The following SLC30A6 variants were observed in gnomAD, a reference collection of about 807,000 sequenced individuals.
SLC30A6 encodes the protein zinc transporter 6.
SLC30A6 carries 55 observed loss-of-function variants against 63.0 expected under a neutral mutation model. The ratio of observed to expected loss-of-function variants is 0.87; its 90% CI spans 0.70 to 1.09. The LOEUF (loss-of-function observed/expected upper bound fraction) is 1.09. Among genes scored for constraint, SLC30A6 ranks in the 50% least tolerant of loss-of-function variants. The pLI, the probability that SLC30A6 is intolerant of heterozygous loss-of-function variation, is 0.00. For synonymous variants in SLC30A6, 224 were observed against 186.1 expected (o/e 1.20, Z -1.66); for missense variants, 587 against 549.2 (o/e 1.07, Z -0.69).
chr2:32,182,489 C>A (rs1020280333), intron 4 of SLC30A6, among the ~76,000 whole-genome samples: 1 of 152,106 alleles, frequency 6.6e-6, no homozygotes, highest in Non-Finnish European at 1.5e-5. Flanking sequence ...CACTGGAGCT[C>A]TATTGGGGGA....
chr2:32,169,201 G>A (rs1008701867), intron 1 of SLC30A6, among the ~76,000 whole-genome samples: 8 of 151,542 alleles, frequency 5.3e-5, no homozygotes, highest in South Asian at 2.1e-4. Flanking sequence ...TTCGAGATGG[G>A]GTCTCGCTCT....
intron 3 of SLC30A6, among the ~76,000 whole-genome samples, chr2:32,174,644 C>T (rs1447899209): frequency 1.4e-5 from 2 of 144,210 alleles, no homozygotes; most frequent in Non-Finnish European, 3.0e-5. Context: ...TCCTCCACCT[C>T]CCTGGTTCAA....
intron 5 of SLC30A6, among the ~76,000 whole-genome samples, chr2:32,187,802 T>G (rs1285583432): frequency 6.6e-6 from 1 of 152,204 alleles, no homozygotes; most frequent in African/African-American, 2.4e-5. Context: ...TTCTGTTGAT[T>G]ACTGTCTCTC....
In SLC30A6 at chr2:32,206,903, T is replaced by G. The variant is rs766200741; in HGVS notation, c.786T>G (p.Val262=). ...KVLLQTTPPH[V]IGQLDKLIRE... is the part of the protein sequence containing the mutation. ...TTCCCCAGACAACACCACCCCATGT[T>G]ATTGGTCAGTTGGACAAACTCATCA... The change falls in exon 12 of 14, where the codon GTT becomes GTG. Residue 262 remains valine (V), a synonymous_variant. Coordinates refer to ENST00000282587, the MANE Select transcript of SLC30A6 (RefSeq NM_017964.5). 3.7e-5 allele frequency: 59 copies of G among 1,611,502 alleles called. No homozygotes were observed. Among genetic ancestry groups the G allele is most frequent in the Non-Finnish European group, 4.9e-5 (58 of 1,177,808 alleles).
chr2:32,175,955 G>A (rs574847783), intron 4 of SLC30A6, among the ~76,000 whole-genome samples: 26 of 151,998 alleles, frequency 1.7e-4, no homozygotes, highest in African/African-American at 5.5e-4. Context: ...CCTGGGCAAC[G>A]AGCGAAACTC....
rs1458602745 is a variant in SLC30A6, at chr2:32,204,611, T to C, written c.687T>C (p.Thr229=). ...IEINNYFAVD[T]ASAIAIALMT... is the part of the protein sequence containing the mutation. Reference sequence around the variant, plus strand: ...TTAGTAATTATTTTGCCGTAGACACTGCCTCTGCTATAGCTATTGCCTTGA... The same window carrying C: ...TTAGTAATTATTTTGCCGTAGACACCGCCTCTGCTATAGCTATTGCCTTGA... Residue 229 remains threonine (T), a synonymous_variant, in exon 11 of 14, where the codon ACT becomes ACC. Coordinates refer to ENST00000282587, the MANE Select transcript of SLC30A6 (RefSeq NM_017964.5). 1 of 1,611,352 alleles carries C rather than the reference T, an allele frequency of 6.2e-7. No individual in the cohort carries two copies. Among genetic ancestry groups the C allele is most frequent in the Non-Finnish European group, 8.5e-7 (1 of 1,178,384 alleles).
rs114098916 is a variant in SLC30A6, at chr2:32,203,752, G to A, written c.666-838G>A. On this transcript the variant is annotated intron_variant, in intron 10 of 13. Transcript: ENST00000282587. ...GTTACAGGCAGAGTGGCATGATTCC[G>A]ACTGGATATTCTCAGTGCCAGCCAA... 2.0e-3 allele frequency: 3,026 copies of A among 1,513,602 alleles called. 9 individuals carry two copies. The highest frequency in any genetic ancestry group is 2.2e-3 in the Non-Finnish European group (2,438 of 1,088,760). 93.8% of individuals were successfully genotyped at this position (1,513,602 alleles called of 1,614,324 possible).
At chr2:32,169,261 C>T (rs917319988) in intron 1 of SLC30A6, among the ~76,000 whole-genome samples, 13 of 152,106 alleles carry the variant, frequency 8.5e-5, no homozygotes, top group African/African-American at 2.7e-4. Flanking sequence ...CTTGACTTCC[C>T]GGGCTCATGC....
Position 32,193,974 on chromosome 2 carries a change from G to A in SLC30A6, c.487G>A (p.Val163Ile). Residue 163 changes from valine to isoleucine, a missense_variant, in exon 8 of 14, where the codon GTC (valine) becomes ATC (isoleucine). Coordinates refer to ENST00000282587, the MANE Select transcript of SLC30A6 (RefSeq NM_017964.5). ...TATTCGGAATAAACCTTTTGCTTAT[G>A]TCTCAGAAGGTATGTTTTTTATTTA... is the stretch of plus-strand genomic sequence containing the variant. ...LSIRNKPFAY[V>I]SEAASTSWLQ... 1 of 1,609,130 alleles carries A rather than the reference G, an allele frequency of 6.2e-7. No individual in the cohort carries two copies. Among genetic ancestry groups the A allele is most frequent in the Non-Finnish European group, 8.5e-7 (1 of 1,178,020 alleles).
At chr2:32,189,477 A>G (rs945843905) in intron 5 of SLC30A6, among the ~76,000 whole-genome samples, 4 of 148,880 alleles carry the variant, frequency 2.7e-5, no homozygotes, top group Non-Finnish European at 5.9e-5. Context: ...TTTTATTTTT[A>G]GTAGAAATGG....
At position 32,222,466 on chromosome 2, in the gene SLC30A6, C is replaced by T. The variant is rs948746901; in HGVS notation, c.*1753C>T. On this transcript the variant is annotated 3_prime_UTR_variant, in exon 14 of 14. Transcript: ENST00000282587. Reference sequence around the variant, plus strand: ...CAAATAGGAGCAGCACTTTGAAATCCTTTTTCTTCACTGTGGATTAAAAAC... The same window carrying T: ...CAAATAGGAGCAGCACTTTGAAATCTTTTTTCTTCACTGTGGATTAAAAAC... 1 of 152,026 alleles carries T rather than the reference C, an allele frequency of 6.6e-6. No individual in the cohort carries two copies. The highest frequency in any genetic ancestry group is 1.5e-5 in the Non-Finnish European group (1 of 68,010). 9.4% of individuals were successfully genotyped at this position (152,026 alleles called of 1,614,324 possible). A position where few individuals can be genotyped will look rare whatever the true frequency, so the allele number is the denominator to read the frequency against.
At chr2:32,175,565 A>G (rs1171830814) in intron 4 of SLC30A6, among the ~76,000 whole-genome samples, 2 of 152,244 alleles carry the variant, frequency 1.3e-5, no homozygotes, top group Non-Finnish European at 2.9e-5. Flanking sequence ...AGGCAAATCT[A>G]TGGAGAGAAA....
intron 4 of SLC30A6, among the ~76,000 whole-genome samples, chr2:32,182,119 G>T (rs569146594): frequency 5.7e-4 from 86 of 151,654 alleles, no homozygotes; most frequent in African/African-American, 2.0e-3. Flanking sequence ...TATTTTTGTG[G>T]TGATGGGGTC....
rs181180632 is a variant in SLC30A6, at chr2:32,223,553, C to G, written c.*2840C>G. 2.6e-5 allele frequency: 4 copies of G among 152,182 alleles called. No individual in the cohort carries two copies. The East Asian group carries it at 7.7e-4, about 29-fold the overall frequency. 9.4% of individuals were successfully genotyped at this position (152,182 alleles called of 1,614,324 possible). A position where few individuals can be genotyped will look rare whatever the true frequency, so the allele number is the denominator to read the frequency against. The stretch of plus-strand genomic sequence containing the variant: ...ATGGCTAAATCTGTAGAATGTATGC[C>G]CAATTGCTAAACGGATGTTGTGCCC... On this transcript the variant is annotated 3_prime_UTR_variant, in exon 14 of 14. Coordinates refer to ENST00000282587, the MANE Select transcript of SLC30A6 (RefSeq NM_017964.5).
chr2:32,191,543 T>G (rs1683320669), intron 5 of SLC30A6, among the ~76,000 whole-genome samples: 1 of 152,172 alleles, frequency 6.6e-6, no homozygotes, highest in Admixed American at 6.5e-5. Flanking sequence ...TGGCTTATAG[T>G]CTAGGGATTA....
In SLC30A6 at chr2:32,204,640, C is replaced by T. The variant is rs1441698276; in HGVS notation, c.716C>T (p.Thr239Ile). Residue 239 changes from threonine (T) to isoleucine (I), a missense_variant, in exon 11 of 14, where the codon ACA (threonine) becomes ATA (isoleucine). Physicochemically the swap from Thr to Ile is moderately conservative, Grantham distance 89 (BLOSUM62 -1). Transcript: ENST00000282587. ...TASAIAIALM[T>I]FGTMYPMSVY... ...TCTGCTATAGCTATTGCCTTGATGA[C>T]ATTTGGCACTATGTATCCCATGAGT... 2 of 1,612,890 alleles carry T rather than the reference C, an allele frequency of 1.2e-6. No homozygotes were observed. Among genetic ancestry groups the T allele is most frequent in the Non-Finnish European group, 8.5e-7 (1 of 1,179,348 alleles).
chr2:32,207,061 C>A, intron 12 of SLC30A6, 128 bp downstream of exon 12: 2 of 715,500 alleles, frequency 2.8e-6, no homozygotes, highest in East Asian at 2.8e-5. Flanking sequence ...TTCACAATAA[C>A]ATACTAGGAG....
chr2:32,214,936 G>T (rs930563606), intron 13 of SLC30A6, among the ~76,000 whole-genome samples: 1 of 152,088 alleles, frequency 6.6e-6, no homozygotes, highest in Non-Finnish European at 1.5e-5. Context: ...TTCAAGACGT[G>T]GCTTGTCTTA....
At chr2:32,186,117 C>T (rs1355025642) in intron 5 of SLC30A6, among the ~76,000 whole-genome samples, 3 of 152,064 alleles carry the variant, frequency 2.0e-5, no homozygotes, top group Non-Finnish European at 4.4e-5. Flanking sequence ...TCATTGCAAC[C>T]TCCACCTACC....
Sources: gnomAD v4.1 joint callset for allele counts (sites outside exome capture counted in the v4.1 genomes callset) on GRCh38, gnomAD v4.1.1 for gene constraint, MANE v1.5 for transcripts, NCBI Gene and HGNC (gene_info 2026-07-23, HGNC 2026-07-21) for gene names.